Variants in LPO observed in about 807,000 individuals in gnomAD.
LPO encodes lactoperoxidase.
LPO carries 70 observed loss-of-function variants against 68.4 expected under a neutral mutation model. That is an observed-to-expected ratio of 1.02 (90% CI 0.84 to 1.25). The LOEUF (loss-of-function observed/expected upper bound fraction) is 1.25, where lower values mean the gene tolerates loss of function less well. LPO is among the 50% of genes most tolerant of loss of function. The probability of loss-of-function intolerance (pLI) is 0.00; values close to 1 mark genes in which losing one functional copy is unlikely to be tolerated. For synonymous variants in LPO, 360 were observed against 357.6 expected (o/e 1.01, Z -0.08); for missense variants, 873 against 908.4 (o/e 0.96, Z 0.50).
chr17:58,262,114 T>C (rs8178383), intron 9 of LPO, among the ~76,000 whole-genome samples: 7 of 152,264 alleles, frequency 4.6e-5, no homozygotes, highest in African/African-American at 1.7e-4. Flanking sequence ...TCTTCTTTCC[T>C]TTCTGAAGGT....
intron 9 of LPO, among the ~76,000 whole-genome samples, chr17:58,255,546 C>T (rs375725662): frequency 1.3e-5 from 2 of 152,022 alleles, no homozygotes; most frequent in South Asian, 2.1e-4. Flanking sequence ...GCAGAGAGGC[C>T]GGGGGAAGCA....
chr17:58,242,729 C>G (rs566049972), intron 1 of LPO: 1 of 429,672 alleles, frequency 2.3e-6, no homozygotes, highest in Admixed American at 4.0e-5. Context: ...AGAATGATAA[C>G]TCAGGGCCTT....
intron 1 of LPO, among the ~76,000 whole-genome samples, chr17:58,241,093 TTTG>T (rs1043177894): frequency 7.2e-5 from 11 of 152,026 alleles, no homozygotes; most frequent in African/African-American, 2.4e-4. Context: ...TATGTGGATT[TTTG>T]TTGTTGTTGT....
chr17:58,259,735 T>G (rs1047867648), intron 9 of LPO, among the ~76,000 whole-genome samples: 4 of 152,234 alleles, frequency 2.6e-5, no homozygotes, highest in African/African-American at 9.6e-5. Context: ...CTTTAGATTT[T>G]TTATTTCTTT....
Position 58,249,126 on chromosome 17 carries a change from G to A in LPO, c.392G>A (p.Arg131Lys). 1 of 1,614,224 alleles carries A rather than the reference G, an allele frequency of 6.2e-7. No homozygotes were observed. The highest frequency in any genetic ancestry group is 8.5e-7 in the Non-Finnish European group (1 of 1,180,040). The change falls in exon 5 of 13, where the codon AGA (arginine) becomes AAA (lysine). Residue 131 changes from arginine to lysine, a missense_variant. Arg to Lys is a conservative substitution (Grantham distance 26). Transcript: ENST00000262290. ...TGTGGTGCTCCTGCTCCCGTGGTGA[G>A]ATGCGACCCGTGCAGCCCTTACCGC... ...VGCGAPAPVV[R>K]CDPCSPYRTI...
intron 9 of LPO, among the ~76,000 whole-genome samples, chr17:58,263,904 C>G (rs551286308): frequency 6.6e-6 from 1 of 152,324 alleles, no homozygotes; most frequent in East Asian, 1.9e-4. Context: ...GCTTCCCACT[C>G]AATCCCTGCT....
rs73314148 is a variant in LPO at position 58,253,786 on chromosome 17, T to G, written c.1106-1025T>G. Among the ~76,000 whole-genome samples the G allele has an allele frequency of 3.0e-3, 463 of 152,314 alleles. 6 individuals carry two copies. Among genetic ancestry groups the G allele is most frequent in the African/African-American group, 0.011 (445 of 41,570 alleles). On this transcript the variant is annotated intron_variant, in intron 8 of 12. Coordinates refer to ENST00000262290, the MANE Select transcript of LPO (RefSeq NM_006151.3). ...AGTTCTTTCTTGTTTTTCATAAAAATATGCACTCACACCAAGAATTTACAA... is the reference window on the plus strand; with the variant it reads ...AGTTCTTTCTTGTTTTTCATAAAAAGATGCACTCACACCAAGAATTTACAA...
At chr17:58,254,722 T>C in intron 8 of LPO, 89 bp from the exon 9 acceptor site, 1 of 1,382,254 alleles carries the variant, frequency 7.2e-7, no homozygotes, top group Non-Finnish European at 9.9e-7. Context: ...CGGGGCGCGG[T>C]CCTGTGGGGC....
chr17:58,250,721 A>G, intron 7 of LPO, 100 bp downstream of exon 7: 2 of 1,256,994 alleles, frequency 1.6e-6, no homozygotes, highest in Non-Finnish European at 2.3e-6. Context: ...TAGATCTGGG[A>G]TACTGATTTG....
At chr17:58,246,220 G>A (rs1969850274) in intron 3 of LPO, among the ~76,000 whole-genome samples, 1 of 152,172 alleles carries the variant, frequency 6.6e-6, no homozygotes, top group Non-Finnish European at 1.5e-5. Flanking sequence ...TCAGGAAAAG[G>A]AAGGCCAGTG....
intron 6 of LPO, 46 bp downstream of exon 6, chr17:58,249,741 C>A: frequency 6.6e-7 from 1 of 1,518,958 alleles, no homozygotes; most frequent in Non-Finnish European, 8.8e-7. Context: ...CCAGAGGGGA[C>A]GGGATGCACT....
In LPO at chr17:58,254,832, A is replaced by G. The variant is rs759062818; in HGVS notation, c.1127A>G (p.His376Arg). The change falls in exon 9 of 13, where the codon CAT (histidine) becomes CGT (arginine). Residue 376 changes from histidine (H) to arginine (R), a missense_variant. His to Arg is a conservative substitution (Grantham distance 29). Coordinates refer to ENST00000262290, the MANE Select transcript of LPO (RefSeq NM_006151.3). ...TCAGGAGATTCTCGAGCCTCAGAGC[A>G]TATTCTGCTGGCCACATCCCACACC... ...FLAGDSRASE[H>R]ILLATSHTLF... is the part of the protein sequence containing the mutation. The G allele has an allele frequency of 8.7e-6, 14 of 1,614,082 alleles. No homozygotes were observed. The East Asian group carries it at 2.2e-4, about 26-fold the overall frequency.
chr17:58,250,905 A>G, intron 7 of LPO: 1 of 435,458 alleles, frequency 2.3e-6, no homozygotes, highest in Non-Finnish European at 4.2e-6. Context: ...CAAGTAAACT[A>G]CTGATAGCAG....
chr17:58,260,487 A>T (rs1970156516), intron 9 of LPO, among the ~76,000 whole-genome samples: 1 of 152,216 alleles, frequency 6.6e-6, no homozygotes, highest in Non-Finnish European at 1.5e-5. Flanking sequence ...GAAAGTATTC[A>T]ATCTTTCACC....
intron 9 of LPO, among the ~76,000 whole-genome samples, 158 bp from the exon 10 acceptor site, chr17:58,264,564 T>C (rs1297021116): frequency 6.6e-6 from 1 of 152,234 alleles, no homozygotes; most frequent in African/African-American, 2.4e-5. Flanking sequence ...CAATGTCTGC[T>C]ATGCTCATAG....
At chr17:58,254,271 T>A (rs1365897921) in intron 8 of LPO, among the ~76,000 whole-genome samples, 6 of 152,044 alleles carry the variant, frequency 3.9e-5, no homozygotes, top group Non-Finnish European at 1.5e-5. Flanking sequence ...CATTTAACTG[T>A]TCCCCCATCG....
intron 3 of LPO, chr17:58,244,353 A>G (rs574872486): frequency 3.9e-4 from 174 of 451,558 alleles, no homozygotes; most frequent in Admixed American, 7.1e-4. Flanking sequence ...ACGTGGCCCA[A>G]TGTTTCCTTG....
rs749593282 is a variant in LPO, at chr17:58,264,833, T to C, written c.1378T>C (p.Phe460Leu). ...TGTGGATCCCAGAATTTCCAATGTC[T>C]TCACCTTCGCCTTCCGCTTTGGCCA... is the stretch of plus-strand genomic sequence containing the variant. ...ESVDPRISNV[F>L]TFAFRFGHLE... Residue 460 changes from phenylalanine (F) to leucine (L), a missense_variant, in exon 10 of 13, where the codon TTC (phenylalanine) becomes CTC (leucine). By Grantham distance (22) the Phe-to-Leu change is conservative. Transcript: ENST00000262290. 1 of 1,614,250 alleles carries C rather than the reference T, an allele frequency of 6.2e-7. No homozygotes were observed. The highest frequency in any genetic ancestry group is 8.5e-7 in the Non-Finnish European group (1 of 1,180,040).
intron 9 of LPO, among the ~76,000 whole-genome samples, chr17:58,257,427 CAT>C (rs1458462931): frequency 1.3e-5 from 2 of 152,348 alleles, no homozygotes; most frequent in South Asian, 2.1e-4. Context: ...TTTCACGTAA[CAT>C]AATGATTTCC....
Sources: allele counts gnomAD v4.1 joint callset (sites outside exome capture counted in the v4.1 genomes callset), GRCh38; gene constraint gnomAD v4.1.1; transcripts MANE v1.5; gene names NCBI Gene and HGNC (gene_info 2026-07-23, HGNC 2026-07-21).